SLC19A1: variants seen among roughly 807,000 people sequenced by gnomAD.
SLC19A1 encodes reduced folate transporter.
In SLC19A1, 37 loss-of-function variants were observed where a neutral mutation model predicts 35.3. The ratio of observed to expected loss-of-function variants is 1.05; its 90% CI spans 0.81 to 1.38. SLC19A1 has a LOEUF of 1.38. SLC19A1 is among the 40% of genes most tolerant of loss of function. SLC19A1 has a pLI of 0.00. For missense variants in SLC19A1, 831 were observed against 826.9 expected (o/e 1.00, Z -0.06); for synonymous variants, 460 against 398.5 (o/e 1.15, Z -1.84).
rs577753141 is a variant in SLC19A1 at position 45,531,501 on chromosome 21, G to A, written c.837C>T (p.Ala279=). The change falls in exon 3 of 6, where the codon GCC becomes GCT. Residue 279 remains alanine, a synonymous_variant. Coordinates refer to ENST00000311124, the MANE Select transcript of SLC19A1 (RefSeq NM_194255.4). The stretch of plus-strand genomic sequence containing the variant: ...CGTAGTAGACCACCAGGTAGTAGCC[G>A]GCCGAGTTGAAGACCCACCAGAGGG... ...LWSLWWVFNS[A]GYYLVVYYVH... 1.2e-4 allele frequency: 192 copies of A among 1,612,754 alleles called. No individual in the cohort carries two copies. In the East Asian group the frequency reaches 3.5e-3, roughly 29 times the overall value.
chr21:45,521,471 TC>T (rs1414692488), intron 5 of SLC19A1, among the ~76,000 whole-genome samples: 11 of 152,188 alleles, frequency 7.2e-5, no homozygotes, highest in Non-Finnish European at 1.5e-4. Context: ...TAATTGCAAT[TC>T]CTAACAAAAT....
chr21:45,561,340 C>G (rs920736430), intron 1 of SLC19A1, among the ~76,000 whole-genome samples: 43 of 152,196 alleles, frequency 2.8e-4, no homozygotes, highest in African/African-American at 9.9e-4. Context: ...GAACCTCTTT[C>G]AAGTTAGAAC....
At position 45,531,381 on chromosome 21, in the gene SLC19A1, A is replaced by G; in HGVS notation, c.949+8T>C. ...GGGAAGAAGCCTCGGGGACCAGGGC[A>G]TGCGTACCCAGCAGCGTGGAGGCAG... On this transcript the variant is annotated splice_region_variant and intron_variant, in intron 3 of 5. Coordinates refer to ENST00000311124, the MANE Select transcript of SLC19A1 (RefSeq NM_194255.4). 1 of 1,563,988 alleles carries G rather than the reference A, an allele frequency of 6.4e-7. No homozygotes were observed. The highest frequency in any genetic ancestry group is 1.4e-5 in the African/African-American group (1 of 73,958).
chr21:45,506,975 GGC>G, intron 3 of SLC19A1: 2 of 271,580 alleles, frequency 7.4e-6, no homozygotes, highest in South Asian at 3.6e-5. Flanking sequence ...TGTGCTTGTA[GGC>G]ACCCGGATGC....
In SLC19A1 at chr21:45,533,280, CGTGG is replaced by C. The variant is rs2077995486; in HGVS notation, c.190-1136_190-1133del. On this transcript the variant is annotated intron_variant, in intron 2 of 5. Transcript: ENST00000311124. The surrounding 1 kb of genome is among the most constrained non-coding windows in gnomAD (Gnocchi z 4.5). ...AACACACATCCACCTTCCATGGGAA[CGTGG>C]AGCTGGGCACGGGGCTGGGGGTGCT... Among the ~76,000 whole-genome samples the C allele has an allele frequency of 4.6e-5, 5 of 108,608 alleles. No homozygotes were observed. Among genetic ancestry groups the C allele is most frequent in the South Asian group, 3.3e-4 (1 of 2,990 alleles). The allele number at this position is 108,608 out of a possible 152,430, so 71.3% of individuals were successfully genotyped here.
At chr21:45,550,341 C>T (rs2078453092) in intron 1 of SLC19A1, among the ~76,000 whole-genome samples, 1 of 152,296 alleles carries the variant, frequency 6.6e-6, no homozygotes, top group Admixed American at 6.5e-5. Context: ...CCCCCACAGA[C>T]ACCTCAGGCC....
downstream of SLC19A1, among the ~76,000 whole-genome samples, chr21:45,508,606 G>A (rs2037392014): frequency 6.6e-6 from 1 of 152,292 alleles, no homozygotes; most frequent in East Asian, 1.9e-4. Flanking sequence ...TTGAGTAGAG[G>A]TCATGATTCC....
chr21:45,536,753 C>G lies in SLC19A1; in HGVS notation c.189+1018G>C, dbSNP rs183072496. 1.9e-3 allele frequency among the ~76,000 whole-genome samples: 290 copies of G among 152,308 alleles called. 2 individuals carry two copies. The highest frequency in any genetic ancestry group is 6.8e-3 in the African/African-American group (284 of 41,558). ...GAACAAGAGGCATGCCGAGCGTCAG[C>G]CATGTGGGAGCAGAGGACGGGGTCA... On this transcript the variant is annotated intron_variant, in intron 2 of 5. Transcript: ENST00000311124.
chr21:45,529,371 G>A (rs1602783673), intron 4 of SLC19A1, among the ~76,000 whole-genome samples: 1 of 152,210 alleles, frequency 6.6e-6, no homozygotes, highest in African/African-American at 2.4e-5. Flanking sequence ...ATAAGGCCCA[G>A]GGGGATGACC....
chr21:45,545,643 G>A (rs193188362), upstream of SLC19A1, among the ~76,000 whole-genome samples: 9 of 151,700 alleles, frequency 5.9e-5, no homozygotes, highest in East Asian at 1.9e-4. Context: ...ATACAGAGAC[G>A]TAAACATACA....
intron 3 of SLC19A1, chr21:45,506,282 T>A: frequency 2.6e-6 from 1 of 385,610 alleles, no homozygotes; most frequent in Non-Finnish European, 5.0e-6. Context: ...ACAAGGCGCC[T>A]GACGGGACGA....
chr21:45,506,740 C>A, intron 3 of SLC19A1: 1 of 149,500 alleles, frequency 6.7e-6, no homozygotes, highest in Admixed American at 6.0e-5. Context: ...ACCCACCTTC[C>A]TTCTAGAGCC....
upstream of SLC19A1, chr21:45,543,894 G>A (rs1333364638): frequency 6.6e-6 from 1 of 152,622 alleles, no homozygotes; most frequent in African/African-American, 2.4e-5. Context: ...GAGGAGGAGG[G>A]GCCCTTCCTT....
At position 45,540,283 on chromosome 21, in the gene SLC19A1, A is replaced by G. The variant is rs1211714222; in HGVS notation, c.-50+2085T>C. 6.6e-6 allele frequency among the ~76,000 whole-genome samples: 1 copy of G among 152,164 alleles called. No homozygotes were observed. Among genetic ancestry groups the G allele is most frequent in the Non-Finnish European group, 1.5e-5 (1 of 68,014 alleles). Reference sequence around the variant, plus strand: ...TTTAGACAGGCGCACCGATCCCCAGACAACCAGAGCAACCAGATCGCCGCA... The same window carrying G: ...TTTAGACAGGCGCACCGATCCCCAGGCAACCAGAGCAACCAGATCGCCGCA... On this transcript the variant is annotated intron_variant, in intron 1 of 5. Coordinates refer to ENST00000311124, the MANE Select transcript of SLC19A1 (RefSeq NM_194255.4). This position sits in a 1 kb window ranked among gnomAD's most constrained non-coding sequence, Gnocchi z 5.5.
At chr21:45,560,938 A>G (rs2078609971) in intron 1 of SLC19A1, among the ~76,000 whole-genome samples, 1 of 152,218 alleles carries the variant, frequency 6.6e-6, no homozygotes, top group Non-Finnish European at 1.5e-5. Context: ...GGCCTGGCTC[A>G]GCCTCAGCTG....
rs56323659 is a variant in SLC19A1 at position 45,540,577 on chromosome 21, G to A, written c.-50+1791C>T. 0.017 allele frequency among the ~76,000 whole-genome samples: 2,564 copies of A among 152,310 alleles called. 25 individuals carry two copies. Among genetic ancestry groups the A allele is most frequent in the Middle Eastern group, 0.034 (10 of 294 alleles). ...CATACTCAACTTATGTGCCGTGAAC[G>A]TAGCCCACTGACAGAGGCTTGGCCA... On this transcript the variant is annotated intron_variant, in intron 1 of 5. Coordinates refer to ENST00000311124, the MANE Select transcript of SLC19A1 (RefSeq NM_194255.4). This position sits in a 1 kb window ranked among gnomAD's most constrained non-coding sequence, Gnocchi z 5.5.
rs73372908 is a variant in SLC19A1 at position 45,517,958 on chromosome 21, C to G, written c.1294-1818G>C. Among the ~76,000 whole-genome samples the G allele has an allele frequency of 0.025, 3,821 of 152,300 alleles. 171 individuals are homozygous for G. Among genetic ancestry groups the G allele is most frequent in the African/African-American group, 0.087 (3,636 of 41,558 alleles). Reference sequence around the variant, plus strand: ...AACAGGATGCTGAAATTACATCATACCCAAAATGCTTGCATCTCACTAAAA... The same window carrying G: ...AACAGGATGCTGAAATTACATCATAGCCAAAATGCTTGCATCTCACTAAAA... On this transcript the variant is annotated intron_variant, in intron 5 of 5. Transcript: ENST00000311124. The surrounding 1 kb of genome is among the most constrained non-coding windows in gnomAD (Gnocchi z 4.4).
At position 45,537,797 on chromosome 21, in the gene SLC19A1, GC is replaced by G; in HGVS notation, c.162del (p.Asp56ThrfsTer148). 6.5e-7 allele frequency: 1 copy of G among 1,549,594 alleles called. No homozygotes were observed. On this transcript the variant is annotated frameshift_variant, in exon 2 of 6. Coordinates refer to ENST00000311124, the MANE Select transcript of SLC19A1 (RefSeq NM_194255.4). LOFTEE classifies it high-confidence loss of function. ...GESFITPYLL[G>X]PDKNFTREQV... The stretch of plus-strand genomic sequence containing the variant: ...TGCTCCCGCGTGAAGTTCTTGTCGG[GC>G]CCCAGGAGGTAGGGGGTGATGAAGC...
In SLC19A1 at chr21:45,512,668, C is replaced by A. The variant is rs1602670179; in HGVS notation, c.*2990G>T. ...AGCTGGGTCAGGCAGGGTGCAGTATCATGCCCTGTGCAACCTCTTGGCCTG... is the reference window on the plus strand; with the variant it reads ...AGCTGGGTCAGGCAGGGTGCAGTATAATGCCCTGTGCAACCTCTTGGCCTG... On this transcript the variant is annotated 3_prime_UTR_variant, in exon 6 of 6. Transcript: ENST00000311124. The A allele has an allele frequency of 7.4e-6, 4 of 538,108 alleles. No individual in the cohort carries two copies. In the East Asian group the frequency reaches 9.8e-5, roughly 13 times the overall value. 33.3% of individuals were successfully genotyped at this position (538,108 alleles called of 1,614,324 possible). A position where few individuals can be genotyped will look rare whatever the true frequency, so the allele number is the denominator to read the frequency against.
Sources: gnomAD v4.1 joint callset for allele counts (sites outside exome capture counted in the v4.1 genomes callset) on GRCh38, gnomAD v4.1.1 for gene constraint, Gnocchi (gnomAD v3.1) non-coding constraint, MANE v1.5 for transcripts, NCBI Gene and HGNC (gene_info 2026-07-23, HGNC 2026-07-21) for gene names.